ACSL1: variants seen among roughly 807,000 people sequenced by gnomAD.
ACSL1 encodes long-chain-fatty-acid--CoA ligase 1.
Under a neutral mutation model 98.4 loss-of-function variants are expected in ACSL1, and 41 were observed. That is an observed-to-expected ratio of 0.42 (90% confidence interval 0.32 to 0.54). The LOEUF is 0.54. Among genes scored for constraint, ACSL1 ranks in the 20% least tolerant of loss-of-function variants. The pLI is 0.13. For missense variants in ACSL1, 734 were observed against 883.1 expected, an observed-to-expected ratio of 0.83 and a Z score of 2.14; for synonymous variants, 316 against 322.7, an observed-to-expected ratio of 0.98 and a Z score of 0.22.
intron 10 of ACSL1, among the ~76,000 whole-genome samples, chr4:184,771,246 G>C (rs961115886): frequency 2.7e-4 from 41 of 152,124 alleles, no homozygotes; most frequent in African/African-American, 9.4e-4. Flanking sequence ...AAGGTTAAGG[G>C]ATTATATGCT....
chr4:184,766,023 C>T lies in ACSL1; in HGVS notation c.1264-37G>A, dbSNP rs1184746174. The T allele has an allele frequency of 6.2e-7, 1 of 1,606,376 alleles. No homozygotes were observed. On this transcript the variant is annotated intron_variant, in intron 13 of 20. Transcript: ENST00000281455. This position sits in a 1 kb window ranked among gnomAD's most constrained non-coding sequence, Gnocchi z 4.8. Reference sequence around the variant, plus strand: ...GGAGAGTGGGAGAAGGTGAGGGTTACACACCTGGAAGTCGGCGGCCTCTCC... The same window carrying T: ...GGAGAGTGGGAGAAGGTGAGGGTTATACACCTGGAAGTCGGCGGCCTCTCC...
chr4:184,816,508 T>C (rs1431066629), intron 1 of ACSL1, among the ~76,000 whole-genome samples: 1 of 152,110 alleles, frequency 6.6e-6, no homozygotes, highest in Non-Finnish European at 1.5e-5. Flanking sequence ...AAAGAGACTA[T>C]GCAGTTCGGC....
chr4:184,820,089 G>T (rs1772939490), intron 1 of ACSL1, among the ~76,000 whole-genome samples: 1 of 152,164 alleles, frequency 6.6e-6, no homozygotes, highest in Non-Finnish European at 1.5e-5. Flanking sequence ...CAGAGGGTCA[G>T]GCAGGTTGTG....
At chr4:184,788,813 A>G in intron 2 of ACSL1, 82 bp from the exon 3 acceptor site, 1 of 1,022,248 alleles carries the variant, frequency 9.8e-7, no homozygotes, top group Non-Finnish European at 1.5e-6. Context: ...GCTAATTAAC[A>G]TATCCATTCC....
chr4:184,823,714 G>A (rs1457782651), intron 1 of ACSL1, among the ~76,000 whole-genome samples: 1 of 152,192 alleles, frequency 6.6e-6, no homozygotes, highest in Non-Finnish European at 1.5e-5. Context: ...GTTTGTGGCA[G>A]CAACTCTGAG....
rs1770978635 is a variant in ACSL1, at chr4:184,803,966, G to C, written c.-32-420C>G. On this transcript the variant is annotated intron_variant, in intron 1 of 20. Coordinates refer to ENST00000281455, the MANE Select transcript of ACSL1 (RefSeq NM_001995.5). The surrounding 1 kb of genome is among the most constrained non-coding windows in gnomAD (Gnocchi z 4.8). The stretch of plus-strand genomic sequence containing the variant: ...AGGCTAATGGGAATATGAGTGAAGG[G>C]GAAGTACAAGCCCAAACCACCTAAG... 6.6e-6 allele frequency among the ~76,000 whole-genome samples: 1 copy of C among 152,136 alleles called. No individual in the cohort carries two copies. Among genetic ancestry groups the C allele is most frequent in the African/African-American group, 2.4e-5 (1 of 41,426 alleles).
Position 184,776,534 on chromosome 4 carries a change from C to G in ACSL1, c.706G>C (p.Glu236Gln). ...VMDAYGSELV[E>Q]RGQRCGVEVT... ...TCCACCCCACACCTCTGGCCTCGTTCCACCAGTTCACTGCCGTAGGCATCC... is the reference window on the plus strand; with the variant it reads ...TCCACCCCACACCTCTGGCCTCGTTGCACCAGTTCACTGCCGTAGGCATCC... Residue 236 changes from glutamate to glutamine, a missense_variant, in exon 7 of 21, where the codon GAA becomes CAA. Glu to Gln is a conservative substitution (Grantham distance 29). Transcript: ENST00000281455. 1 of 1,614,140 alleles carries G rather than the reference C, an allele frequency of 6.2e-7. No homozygotes were observed. Among genetic ancestry groups the G allele is most frequent in the Admixed American group, 1.7e-5 (1 of 60,030 alleles).
chr4:184,779,754 A>G (rs1765914857), intron 5 of ACSL1, among the ~76,000 whole-genome samples: 1 of 152,320 alleles, frequency 6.6e-6, no homozygotes, highest in Non-Finnish European at 1.5e-5. Flanking sequence ...TTTGTTAGTT[A>G]TCTGTTCTAA....
chr4:184,795,808 C>T (rs1025135886), intron 2 of ACSL1, among the ~76,000 whole-genome samples: 2 of 152,204 alleles, frequency 1.3e-5, no homozygotes, highest in African/African-American at 4.8e-5. Flanking sequence ...TTTTTCATAA[C>T]TTGTTATTAA....
At position 184,766,789 on chromosome 4, in the gene ACSL1, C is replaced by T; in HGVS notation, c.1129-33G>A. The T allele has an allele frequency of 1.3e-6, 2 of 1,596,598 alleles. No homozygotes were observed. The highest frequency in any genetic ancestry group is 1.1e-5 in the South Asian group (1 of 90,204). ...GGCAAGACATGAGAAAGTTTTCACA[C>T]CTACTAGGATGGCCAGAGTCAAAGA... On this transcript the variant is annotated intron_variant, in intron 12 of 20. Coordinates refer to ENST00000281455, the MANE Select transcript of ACSL1 (RefSeq NM_001995.5). The surrounding 1 kb of genome is among the most constrained non-coding windows in gnomAD (Gnocchi z 4.8).
chr4:184,822,764 T>C (rs1393719155), intron 1 of ACSL1, among the ~76,000 whole-genome samples: 1 of 151,352 alleles, frequency 6.6e-6, no homozygotes, highest in African/African-American at 2.4e-5. Flanking sequence ...AAAAAGAAAG[T>C]GAAAATGTCA....
rs937844127 is a variant in ACSL1, at chr4:184,756,657, C to T, written c.*468G>A. ...ATCTCTGGTCCGCTTGTGAGATTCT[C>T]CAGCCAGGACAGTTGTTCTTATTTT... On this transcript the variant is annotated 3_prime_UTR_variant, in exon 21 of 21. Coordinates refer to ENST00000281455, the MANE Select transcript of ACSL1 (RefSeq NM_001995.5). 14 of 153,020 alleles carry T rather than the reference C, an allele frequency of 9.1e-5. No individual in the cohort carries two copies. Among genetic ancestry groups the T allele is most frequent in the Admixed American group, 7.8e-4 (12 of 15,324 alleles). 9.5% of individuals were successfully genotyped at this position (153,020 alleles called of 1,614,324 possible). A position where few individuals can be genotyped will look rare whatever the true frequency, so the allele number is the denominator to read the frequency against.
rs1177836658 is a variant in ACSL1 at position 184,763,181 on chromosome 4, C to T, written c.1507G>A (p.Glu503Lys). 6.2e-6 allele frequency: 10 copies of T among 1,613,958 alleles called. No individual in the cohort carries two copies. The highest frequency in any genetic ancestry group is 4.0e-5 in the African/African-American group (3 of 75,034). The stretch of plus-strand genomic sequence containing the variant: ...TTTTCACTCACCTCGCCCTCGCCCT[C>T]GGCAGCCATGTAATTCATTTCTTCC... ...DVEEMNYMAA[E>K]GEGEVCVKGP... Residue 503 changes from glutamate to lysine, a missense_variant, in exon 16 of 21, where the codon GAG (glutamate) becomes AAG (lysine). By Grantham distance (56) the Glu-to-Lys change is moderately conservative (BLOSUM62 1). Transcript: ENST00000281455.
intron 2 of ACSL1, among the ~76,000 whole-genome samples, chr4:184,792,101 C>T (rs1435537792): frequency 6.6e-6 from 1 of 152,076 alleles, no homozygotes; most frequent in Admixed American, 6.5e-5. Flanking sequence ...AACATGGAGG[C>T]AAACAAGCTA....
At chr4:184,817,763 G>C (rs1022578844) in intron 1 of ACSL1, among the ~76,000 whole-genome samples, 1 of 152,148 alleles carries the variant, frequency 6.6e-6, no homozygotes, top group East Asian at 1.9e-4. Context: ...GACGCTACTG[G>C]TGACCGTCGC....
chr4:184,763,501 T>C (rs1469443284), intron 15 of ACSL1, among the ~76,000 whole-genome samples: 1 of 152,164 alleles, frequency 6.6e-6, no homozygotes, highest in Non-Finnish European at 1.5e-5. Flanking sequence ...TATGAGTAAT[T>C]TGGCCTCTAT....
At chr4:184,780,305 G>A (rs1345921467) in intron 5 of ACSL1, 27 bp downstream of exon 5, 5 of 1,564,944 alleles carry the variant, frequency 3.2e-6, no homozygotes, top group East Asian at 2.2e-5. Context: ...TCAAAATCAT[G>A]CATAGCAAGT....
At position 184,811,304 on chromosome 4, in the gene ACSL1, G is replaced by A. The variant is rs568157224; in HGVS notation, c.-32-7758C>T. On this transcript the variant is annotated intron_variant, in intron 1 of 20. Transcript: ENST00000281455. ...TTTTTTTGTATTTTTAGTAGAGACG[G>A]GGTTTCACCGTGTTGGCCAGGATGG... Among the ~76,000 whole-genome samples the A allele has an allele frequency of 5.3e-5, 8 of 152,012 alleles. No individual in the cohort carries two copies. The East Asian group carries it at 5.8e-4, about 11-fold the overall frequency.
At position 184,768,465 on chromosome 4, in the gene ACSL1, G is replaced by T; in HGVS notation, c.994-15C>A. The stretch of plus-strand genomic sequence containing the variant: ...AGCATTACACACTATAGGGGTAATG[G>T]AAAAAACAAACATTTTATCACCACA... On this transcript the variant is annotated splice_polypyrimidine_tract_variant and intron_variant, in intron 11 of 20. Coordinates refer to ENST00000281455, the MANE Select transcript of ACSL1 (RefSeq NM_001995.5). The T allele has an allele frequency of 6.3e-7, 1 of 1,595,436 alleles. No individual in the cohort carries two copies. Among genetic ancestry groups the T allele is most frequent in the Non-Finnish European group, 8.5e-7 (1 of 1,174,116 alleles).
Sources: gnomAD v4.1 joint callset for allele counts (sites outside exome capture counted in the v4.1 genomes callset) on GRCh38, gnomAD v4.1.1 for gene constraint, Gnocchi (gnomAD v3.1) non-coding constraint, MANE v1.5 for transcripts, NCBI Gene and HGNC (gene_info 2026-07-23, HGNC 2026-07-21) for gene names.